Variants in NBAS observed in about 807,000 individuals in gnomAD.
The protein encoded by NBAS is NBAS subunit of NRZ tethering complex, also known as NAG/BC035112 fusion.
Under a neutral mutation model 302.5 loss-of-function variants are expected in NBAS, and 219 were observed. The ratio of observed to expected loss-of-function variants is 0.72; its 90% CI spans 0.65 to 0.81. The LOEUF (loss-of-function observed/expected upper bound fraction) is 0.81, where lower values mean the gene tolerates loss of function less well. Ranked by LOEUF, NBAS falls within the 30% of genes least tolerant of loss-of-function variation. The pLI is 0.00. For synonymous variants in NBAS, 1,118 were observed against 1,021.6 expected, an observed-to-expected ratio of 1.09 and a Z score of -1.80; for missense variants, 2,932 against 2,841.6, an observed-to-expected ratio of 1.03 and a Z score of -0.72.
the NBAS span, among the ~76,000 whole-genome samples, chr2:14,798,082 A>C: frequency 6.6e-6 from 1 of 152,032 alleles, no homozygotes; most frequent in Non-Finnish European, 1.5e-5. Context: ...CAAATATGCT[A>C]TGTTTCTTTG....
chr2:15,480,818 A>G (rs1680399603), intron 12 of NBAS, among the ~76,000 whole-genome samples: 1 of 152,104 alleles, frequency 6.6e-6, no homozygotes. Flanking sequence ...ATCCTTTTTT[A>G]TTGAGGTGAT....
At chr2:15,424,500 G>T in intron 22 of NBAS, 32 bp from the exon 23 acceptor site, 1 of 1,611,792 alleles carries the variant, frequency 6.2e-7, no homozygotes, top group South Asian at 1.1e-5. Context: ...ATTAATAACT[G>T]ACTAGAATGT....
chr2:15,537,199 C>A (rs575024603), intron 7 of NBAS, among the ~76,000 whole-genome samples: 4 of 152,132 alleles, frequency 2.6e-5, no homozygotes, highest in Non-Finnish European at 5.9e-5. Context: ...AATCAACAGA[C>A]GCAGGAAAAA....
the NBAS span, among the ~76,000 whole-genome samples, chr2:14,854,532 A>C: frequency 6.7e-6 from 1 of 150,034 alleles, no homozygotes; most frequent in Non-Finnish European, 1.5e-5. Context: ...GGTGCTGAAG[A>C]GATAAAATTA....
the NBAS span, among the ~76,000 whole-genome samples, chr2:14,920,346 C>T: frequency 6.6e-6 from 1 of 152,164 alleles, no homozygotes; most frequent in African/African-American, 2.4e-5. Context: ...TTTGTTGCCC[C>T]ATTTAAAGAG....
chr2:15,353,842 T>C (rs1673487423), intron 33 of NBAS, 132 bp from the exon 34 acceptor site: 2 of 1,081,262 alleles, frequency 1.8e-6, no homozygotes, highest in African/African-American at 1.6e-5. Context: ...TGACACATTA[T>C]TTTATAAGCA....
Position 15,398,080 on chromosome 2 carries a change from C to G in NBAS, c.3072-1605G>C, listed in dbSNP as rs115676160. ...ATCAGAGCTAACTTCCCTTAACATA[C>G]TCAGTCAGCCGTGTGTGTGTGTGTG... On this transcript the variant is annotated intron_variant, in intron 26 of 51. Transcript: ENST00000281513. Among the ~76,000 whole-genome samples, 1,019 of 152,022 alleles carry G rather than the reference C, an allele frequency of 6.7e-3. 11 individuals carry two copies. The highest frequency in any genetic ancestry group is 0.022 in the African/African-American group (918 of 41,452).
At chr2:14,916,096 T>C in the NBAS span, among the ~76,000 whole-genome samples, 1 of 152,180 alleles carries the variant, frequency 6.6e-6, no homozygotes, top group Admixed American at 6.5e-5. Context: ...GATTTTTTTT[T>C]TCGTCTTTAA....
At chr2:15,396,371 T>A in intron 27 of NBAS, 42 bp downstream of exon 27, 1 of 1,503,324 alleles carries the variant, frequency 6.7e-7, no homozygotes. Flanking sequence ...ACAAATTCCC[T>A]TAATAAGCAT....
At chr2:14,988,328 G>A in the NBAS span, among the ~76,000 whole-genome samples, 62 of 152,274 alleles carry the variant, frequency 4.1e-4, no homozygotes, top group Non-Finnish European at 6.8e-4. Flanking sequence ...TCATTTTAAA[G>A]TAAGAAACAA....
chr2:15,368,191 CTTTTTTTT>C (rs1197291033), intron 31 of NBAS, among the ~76,000 whole-genome samples: 1 of 84,890 alleles, frequency 1.2e-5, no homozygotes, highest in Non-Finnish European at 2.3e-5. Context: ...AATGTTTTGA[CTTTTTTTT>C]TTTTTTTTTT....
chr2:15,361,475 C>T (rs113673273), intron 32 of NBAS, among the ~76,000 whole-genome samples: 4 of 151,242 alleles, frequency 2.6e-5, no homozygotes, highest in African/African-American at 7.3e-5. Flanking sequence ...ATCGCACCAC[C>T]GCACTCCAGC....
the NBAS span, among the ~76,000 whole-genome samples, chr2:14,784,284 G>T: frequency 4.6e-5 from 7 of 152,234 alleles, no homozygotes; most frequent in Admixed American, 3.3e-4. Context: ...TCACTCTGAT[G>T]GTAGTTTCTT....
Position 15,309,240 on chromosome 2 carries a change from C to A in NBAS, c.4590G>T (p.Leu1530Phe), listed in dbSNP as rs1468971046. 10 of 1,610,702 alleles carry A rather than the reference C, an allele frequency of 6.2e-6. No individual in the cohort carries two copies. Among genetic ancestry groups the A allele is most frequent in the Admixed American group, 5.0e-5 (3 of 59,884 alleles). ...TTGGCAAGGCTTCACTTGCTAGTTG[C>A]AAGAGAACTGAATGCAGAAAAAGAA... ...GEVFPTTEVLLQLASEALPND... is the reference protein window; with the variant it reads ...GEVFPTTEVLFQLASEALPND... Residue 1530 changes from leucine (L) to phenylalanine (F), a missense_variant, in exon 39 of 52, where the codon TTG becomes TTT. Transcript: ENST00000281513.
intron 10 of NBAS, among the ~76,000 whole-genome samples, chr2:15,508,782 T>C (rs1251303360): frequency 6.6e-6 from 1 of 152,124 alleles, no homozygotes; most frequent in Admixed American, 6.5e-5. Context: ...GGCGAGCGGA[T>C]CACCTAAGGT....
the NBAS span, among the ~76,000 whole-genome samples, chr2:15,095,204 C>T: frequency 6.6e-6 from 1 of 152,124 alleles, no homozygotes; most frequent in African/African-American, 2.4e-5. Context: ...GCCCTGCAGG[C>T]CCACAGCTAT....
the NBAS span, among the ~76,000 whole-genome samples, chr2:14,843,524 AAGGC>A: frequency 9.2e-5 from 14 of 151,820 alleles, no homozygotes; most frequent in African/African-American, 3.2e-4. Context: ...TCCTCCCCAC[AAGGC>A]ACCAATTTAA....
At chr2:15,090,647 C>T in the NBAS span, among the ~76,000 whole-genome samples, 1 of 152,162 alleles carries the variant, frequency 6.6e-6, no homozygotes, top group Non-Finnish European at 1.5e-5. Context: ...AGAGAATCCA[C>T]CTGAGGCTGT....
chr2:15,341,017 T>C (rs1368691075), intron 35 of NBAS, among the ~76,000 whole-genome samples: 1 of 152,048 alleles, frequency 6.6e-6, no homozygotes, highest in African/African-American at 2.4e-5. Context: ...ACTAAAGAAA[T>C]GTAGGGAACA....
Sources: allele counts gnomAD v4.1 joint callset (sites outside exome capture counted in the v4.1 genomes callset), GRCh38; gene constraint gnomAD v4.1.1; transcripts MANE v1.5; gene names NCBI Gene and HGNC (gene_info 2026-07-23, HGNC 2026-07-21).